Variants in MIPOL1 observed in about 807,000 individuals in gnomAD.
MIPOL1 encodes the protein mirror-image polydactyly gene 1 protein.
MIPOL1 carries 57 observed loss-of-function variants against 60.9 expected under a neutral mutation model. The observed-to-expected ratio is 0.94, with a 90% CI of 0.76 to 1.17. The LOEUF is 1.17. Among genes scored for constraint, MIPOL1 ranks in the 50% most tolerant of loss-of-function variants. MIPOL1 has a pLI of 0.00. For synonymous variants in MIPOL1, 179 were observed against 168.8 expected (o/e 1.06, Z -0.47); for missense variants, 551 against 511.6 (o/e 1.08, Z -0.74).
intron 1 of MIPOL1, among the ~76,000 whole-genome samples, chr14:37,211,812 C>T (rs964317846): frequency 6.6e-6 from 1 of 151,750 alleles, no homozygotes; most frequent in East Asian, 2.0e-4. Flanking sequence ...CCAAAAGAGA[C>T]CCTTTCCTTC....
At chr14:37,450,966 A>G (rs1401174210) in intron 11 of MIPOL1, among the ~76,000 whole-genome samples, 4 of 152,194 alleles carry the variant, frequency 2.6e-5, no homozygotes, top group Non-Finnish European at 5.9e-5. Context: ...GTACCCTGAT[A>G]ACGTAAAATA....
intron 12 of MIPOL1, among the ~76,000 whole-genome samples, chr14:37,542,908 C>T (rs578232900): frequency 6.6e-6 from 1 of 152,184 alleles, no homozygotes; most frequent in African/African-American, 2.4e-5. Context: ...TTAACACAGA[C>T]TCTTATATAC....
chr14:37,287,377 A>G (rs2084662572), intron 7 of MIPOL1, among the ~76,000 whole-genome samples: 1 of 152,046 alleles, frequency 6.6e-6, no homozygotes, highest in South Asian at 2.1e-4. Context: ...CCAAGGAGCT[A>G]TGACTACAGG....
intron 9 of MIPOL1, among the ~76,000 whole-genome samples, chr14:37,333,395 C>T (rs2089881582): frequency 6.6e-6 from 1 of 152,064 alleles, no homozygotes; most frequent in African/African-American, 2.4e-5. Context: ...CGGGCCTACA[C>T]AGTTCAAATT....
intron 10 of MIPOL1, among the ~76,000 whole-genome samples, chr14:37,412,228 A>G (rs1030252017): frequency 6.6e-6 from 1 of 152,178 alleles, no homozygotes; most frequent in Admixed American, 6.5e-5. Context: ...ATAATATGTA[A>G]TACTATACTT....
intron 6 of MIPOL1, among the ~76,000 whole-genome samples, chr14:37,275,783 C>G (rs2083613426): frequency 6.6e-6 from 1 of 150,964 alleles, no homozygotes. Flanking sequence ...ACTTTAGAGC[C>G]TCTGCTTTAT....
intron 9 of MIPOL1, among the ~76,000 whole-genome samples, chr14:37,369,287 A>G (rs373180983): frequency 2.0e-5 from 3 of 152,082 alleles, no homozygotes; most frequent in African/African-American, 4.8e-5. Context: ...TGTGATTTAT[A>G]TAACATTCAG....
chr14:37,355,513 G>T (rs1286656905), intron 9 of MIPOL1, among the ~76,000 whole-genome samples: 1 of 151,178 alleles, frequency 6.6e-6, no homozygotes, highest in Non-Finnish European at 1.5e-5. Context: ...TTCCAACTTG[G>T]TTCCATTCTC....
Position 37,548,737 on chromosome 14 carries a change from T to G in MIPOL1, c.*1766T>G, listed in dbSNP as rs1445783716. Reference sequence around the variant, plus strand: ...GTAAATTTGAATTTTCGGTTTAATGTTGAAAGCAGATGAACTTTTCTTGAG... The same window carrying G: ...GTAAATTTGAATTTTCGGTTTAATGGTGAAAGCAGATGAACTTTTCTTGAG... On this transcript the variant is annotated 3_prime_UTR_variant, in exon 13 of 13. Transcript: ENST00000684589. 6.6e-6 allele frequency: 1 copy of G among 151,992 alleles called. No individual in the cohort carries two copies. The highest frequency in any genetic ancestry group is 1.9e-4 in the East Asian group (1 of 5,188). The allele number at this position is 151,992 out of a possible 1,614,324, so 9.4% of individuals were successfully genotyped here.
chr14:37,475,461 C>T (rs1365657925), intron 11 of MIPOL1, among the ~76,000 whole-genome samples: 1 of 151,868 alleles, frequency 6.6e-6, no homozygotes, highest in Non-Finnish European at 1.5e-5. Context: ...TTTCATAGAT[C>T]ATGTTTTTGG....
chr14:37,253,869 T>TC (rs1234457989), intron 3 of MIPOL1, among the ~76,000 whole-genome samples: 1 of 151,736 alleles, frequency 6.6e-6, no homozygotes, highest in African/African-American at 2.4e-5. Context: ...AATAAAAATC[T>TC]CCAGATTAGT....
chr14:37,288,562 G>A (rs1433160692), intron 7 of MIPOL1, among the ~76,000 whole-genome samples: 2 of 152,126 alleles, frequency 1.3e-5, no homozygotes, highest in African/African-American at 4.8e-5. Context: ...TCAACACTTT[G>A]AGAGACTGAG....
intron 4 of MIPOL1, among the ~76,000 whole-genome samples, chr14:37,268,239 T>C (rs928122487): frequency 3.3e-5 from 5 of 152,202 alleles, no homozygotes; most frequent in Admixed American, 2.0e-4. Context: ...TGTATTGATA[T>C]GTTCCCATCC....
At chr14:37,225,314 C>T (rs1217512716) in intron 1 of MIPOL1, among the ~76,000 whole-genome samples, 2 of 152,210 alleles carry the variant, frequency 1.3e-5, no homozygotes, top group East Asian at 1.9e-4. Flanking sequence ...CATTTCCCTT[C>T]TGCACTGCCC....
intron 6 of MIPOL1, among the ~76,000 whole-genome samples, chr14:37,272,853 TA>T (rs2083394258): frequency 6.6e-6 from 1 of 151,310 alleles, no homozygotes; most frequent in Non-Finnish European, 1.5e-5. Context: ...CATTTCACAA[TA>T]AAAGAAATAC....
intron 10 of MIPOL1, among the ~76,000 whole-genome samples, chr14:37,378,705 C>T (rs1451585512): frequency 2.0e-5 from 3 of 150,064 alleles, no homozygotes; most frequent in South Asian, 2.1e-4. Context: ...GAGGGAGGGA[C>T]GGAAGGAAAG....
At chr14:37,402,724 G>A (rs1260391812) in intron 10 of MIPOL1, among the ~76,000 whole-genome samples, 1 of 152,194 alleles carries the variant, frequency 6.6e-6, no homozygotes, top group African/African-American at 2.4e-5. Flanking sequence ...ATTGTGTGTA[G>A]CAATCAGATG....
chr14:37,377,288 G>A (rs1282352191), intron 10 of MIPOL1, among the ~76,000 whole-genome samples: 1 of 152,114 alleles, frequency 6.6e-6, no homozygotes, highest in Non-Finnish European at 1.5e-5. Context: ...AGGGGAGGAG[G>A]AAAGAGGGGC....
At position 37,298,141 on chromosome 14, in the gene MIPOL1, A is replaced by G. The variant is rs146591734; in HGVS notation, c.624-9915A>G. Among the ~76,000 whole-genome samples, 651 of 152,314 alleles carry G rather than the reference A, an allele frequency of 4.3e-3. 2 individuals carry two copies. Among genetic ancestry groups the G allele is most frequent in the Middle Eastern group, 0.017 (5 of 294 alleles). ...GAACAAAATAGAGCCCTCAGAAATA[A>G]TGCCGCATATCTACAACTATCTGAT... On this transcript the variant is annotated intron_variant, in intron 7 of 12. Transcript: ENST00000684589.
Sources: allele counts gnomAD v4.1 joint callset (sites outside exome capture counted in the v4.1 genomes callset), GRCh38; gene constraint gnomAD v4.1.1; transcripts MANE v1.5; gene names NCBI Gene and HGNC (gene_info 2026-07-23, HGNC 2026-07-21).